INTS14: variants seen among roughly 807,000 people sequenced by gnomAD.
The protein encoded by INTS14 is integrator complex subunit 14.
Under a neutral mutation model 56.9 loss-of-function variants are expected in INTS14, and 27 were observed. The observed-to-expected ratio is 0.47, with a 90% CI of 0.35 to 0.65. The LOEUF is 0.65. Ranked by LOEUF, INTS14 falls within the 30% of genes least tolerant of loss-of-function variation. The pLI, the probability that INTS14 is intolerant of heterozygous loss-of-function variation, is 0.00. For missense variants in INTS14, 517 were observed against 632.2 expected, an observed-to-expected ratio of 0.82 and a Z score of 1.95; for synonymous variants, 207 against 236.2, an observed-to-expected ratio of 0.88 and a Z score of 1.13.
rs141290360 is a variant in INTS14, at chr15:65,599,912, G to A, written c.348C>T (p.Asp116=). The A allele has an allele frequency of 2.7e-5, 44 of 1,613,104 alleles. No homozygotes were observed. The South Asian group carries it at 3.4e-4, about 12-fold the overall frequency. The change falls in exon 4 of 12, where the codon GAC becomes GAT. Residue 116 remains aspartate (D), a synonymous_variant. Transcript: ENST00000313182. ...AIPCQVVLVT[D]GCLGIGRGSL... The stretch of plus-strand genomic sequence containing the variant: ...ACCCTCTACCAATGCCAAGACAGCC[G>A]TCTGTCACCAGGACAACCTGTTTGT...
rs1013453917 is a variant in INTS14, at chr15:65,595,667, T to C, written c.841+66A>G. ...TTCTGCAAAATGGGCTATCCTACTATCTAAGATTTAAGAACAACTTTAGTT... is the reference window on the plus strand; with the variant it reads ...TTCTGCAAAATGGGCTATCCTACTACCTAAGATTTAAGAACAACTTTAGTT... On this transcript the variant is annotated intron_variant, in intron 7 of 11. Coordinates refer to ENST00000313182, the MANE Select transcript of INTS14 (RefSeq NM_001394796.1). 7 of 1,300,948 alleles carry C rather than the reference T, an allele frequency of 5.4e-6. No homozygotes were observed. The Middle Eastern group carries it at 7.4e-4, about 137-fold the overall frequency. 80.6% of individuals were successfully genotyped at this position (1,300,948 alleles called of 1,614,324 possible).
chr15:65,596,455 T>C (rs2073215799), intron 6 of INTS14, among the ~76,000 whole-genome samples: 1 of 152,206 alleles, frequency 6.6e-6, no homozygotes, highest in Non-Finnish European at 1.5e-5. Flanking sequence ...TTATTCATAA[T>C]CAAAGGAAAT....
Position 65,579,286 on chromosome 15 carries a change from T to G in INTS14, c.*122A>C, listed in dbSNP as rs1200260675. ...AGTCATTCAAAACAGCAAGTGGTGC[T>G]TCTGAGGCAGCCTCAGGAAGGTCTT... On this transcript the variant is annotated 3_prime_UTR_variant, in exon 12 of 12. Transcript: ENST00000313182. 1 of 1,395,246 alleles carries G rather than the reference T, an allele frequency of 7.2e-7. No homozygotes were observed. Among genetic ancestry groups the G allele is most frequent in the Non-Finnish European group, 9.7e-7 (1 of 1,031,040 alleles). The allele number at this position is 1,395,246 out of a possible 1,614,324, so 86.4% of individuals were successfully genotyped here.
chr15:65,599,095 C>T, intron 4 of INTS14, 105 bp from the exon 5 acceptor site: 4 of 712,778 alleles, frequency 5.6e-6, no homozygotes, highest in Non-Finnish European at 6.9e-6. Flanking sequence ...CAATAAATAA[C>T]AGATGATTTT....
chr15:65,604,900 A>G (rs1317450568), intron 3 of INTS14, among the ~76,000 whole-genome samples: 1 of 152,226 alleles, frequency 6.6e-6, no homozygotes, highest in Non-Finnish European at 1.5e-5. Flanking sequence ...TAACAGTACT[A>G]GTTTGCAATA....
At chr15:65,601,407 A>G (rs2073428779) in intron 3 of INTS14, among the ~76,000 whole-genome samples, 1 of 151,940 alleles carries the variant, frequency 6.6e-6, no homozygotes, top group Non-Finnish European at 1.5e-5. Context: ...CGGTGGCGTG[A>G]TCTCAGCTCA....
chr15:65,606,217 T>C (rs1170074183), intron 2 of INTS14, among the ~76,000 whole-genome samples: 1 of 139,250 alleles, frequency 7.2e-6, no homozygotes, highest in Non-Finnish European at 1.5e-5. Flanking sequence ...ATCGCGCCAC[T>C]GCACTCCAGC....
chr15:65,586,287 TC>T (rs927082909), intron 9 of INTS14: 5 of 152,198 alleles, frequency 3.3e-5, no homozygotes, highest in African/African-American at 1.2e-4. Context: ...ATGTTATTAG[TC>T]CCATTAAAGA....
chr15:65,593,080 C>A (rs986889264), intron 8 of INTS14, among the ~76,000 whole-genome samples: 3 of 148,774 alleles, frequency 2.0e-5, no homozygotes, highest in Admixed American at 1.3e-4. Flanking sequence ...CACAGTGAGA[C>A]CCCACTTCTA....
In INTS14 at chr15:65,591,311, T is replaced by C. The variant is rs572528161; in HGVS notation, c.1120+287A>G. ...GAATGACAGGAAATTACTTGAACTA[T>C]AGTACACCAAGAAAAAAAATTATGG... On this transcript the variant is annotated intron_variant, in intron 9 of 11. Coordinates refer to ENST00000313182, the MANE Select transcript of INTS14 (RefSeq NM_001394796.1). 1.5e-3 allele frequency among the ~76,000 whole-genome samples: 222 copies of C among 152,304 alleles called. 1 individual carries two copies. Among genetic ancestry groups the C allele is most frequent in the African/African-American group, 5.0e-3 (209 of 41,574 alleles).
intron 10 of INTS14, 115 bp from the exon 11 acceptor site, chr15:65,582,134 T>A: frequency 1.1e-6 from 1 of 890,136 alleles, no homozygotes; most frequent in Non-Finnish European, 1.7e-6. Context: ...ACAGCTACAA[T>A]GTCAAGATGA....
At chr15:65,602,286 CT>C (rs199817472) in intron 3 of INTS14, among the ~76,000 whole-genome samples, 65,015 of 141,678 alleles carry the variant, frequency 0.46, 15,361 homozygotes, top group East Asian at 0.77. Context: ...AAAAATTCCA[CT>C]TTTTTTTTTT....
chr15:65,609,129 AG>A (rs1260063034), intron 1 of INTS14, among the ~76,000 whole-genome samples: 32 of 152,112 alleles, frequency 2.1e-4, no homozygotes, highest in African/African-American at 7.7e-4. Flanking sequence ...CACATTGGCC[AG>A]GCTGGTCTCG....
At chr15:65,593,299 A>G in intron 8 of INTS14, 129 bp downstream of exon 8, 1 of 1,179,000 alleles carries the variant, frequency 8.5e-7, no homozygotes, top group Non-Finnish European at 1.2e-6. Context: ...CAGGTGGGAA[A>G]AGTGTGTGGC....
chr15:65,578,933 A>T lies in INTS14; in HGVS notation c.*475T>A, dbSNP rs150654063. ...ACCACATTTTGCCCAAGTTCTAAGG[A>T]AAGTTCTGAAACTTAGTGGTGGTGT... On this transcript the variant is annotated 3_prime_UTR_variant, in exon 12 of 12. Transcript: ENST00000313182. 3.8e-3 allele frequency: 587 copies of T among 153,132 alleles called. 5 individuals carry two copies. The highest frequency in any genetic ancestry group is 0.013 in the African/African-American group (560 of 41,592). 9.5% of individuals were successfully genotyped at this position (153,132 alleles called of 1,614,324 possible). A position where few individuals can be genotyped will look rare whatever the true frequency, so the allele number is the denominator to read the frequency against.
rs73486724 is a variant in INTS14, at chr15:65,591,737, T to A, written c.987-6A>T. The A allele has an allele frequency of 6.2e-7, 1 of 1,613,612 alleles. No individual in the cohort carries two copies. Among genetic ancestry groups the A allele is most frequent in the Admixed American group, 1.7e-5 (1 of 59,900 alleles). ...GCATTCCATGCCATTCAGGACTAGA[T>A]GGAGAGAAGACGGAAGATCAGAAGA... On this transcript the variant is annotated splice_region_variant and splice_polypyrimidine_tract_variant and intron_variant, in intron 8 of 11. Transcript: ENST00000313182.
chr15:65,579,489 G>A lies in INTS14; in HGVS notation c.1476C>T (p.Gly492=). Residue 492 remains glycine, a synonymous_variant, in exon 12 of 12, where the codon GGC becomes GGT. Transcript: ENST00000313182. ...GGTCATAAGCGGCATACTCAGAGGT[G>A]CCGGTACTGGCCAGCTTGAGCTGCT... The part of the protein sequence containing the change: ...AAQQLKLAST[G]TSEYAAYDQN... 1 of 1,614,260 alleles carries A rather than the reference G, an allele frequency of 6.2e-7. No homozygotes were observed. Among genetic ancestry groups the A allele is most frequent in the African/African-American group, 1.3e-5 (1 of 75,064 alleles).
rs1419081499 is a variant in INTS14 at position 65,579,119 on chromosome 15, C to A, written c.*289G>T. ...GTTTCCTGAGGAAGGCAGGGGTGCTCTATGCTCATCAGTCATTCAAGCTTC... is the reference window on the plus strand; with the variant it reads ...GTTTCCTGAGGAAGGCAGGGGTGCTATATGCTCATCAGTCATTCAAGCTTC... On this transcript the variant is annotated 3_prime_UTR_variant, in exon 12 of 12. Coordinates refer to ENST00000313182, the MANE Select transcript of INTS14 (RefSeq NM_001394796.1). 3.1e-6 allele frequency: 1 copy of A among 323,318 alleles called. No individual in the cohort carries two copies. The highest frequency in any genetic ancestry group is 5.7e-6 in the Non-Finnish European group (1 of 175,178). The allele number at this position is 323,318 out of a possible 1,614,324, so 20.0% of individuals were successfully genotyped here.
At chr15:65,601,593 G>A (rs1367819632) in intron 3 of INTS14, among the ~76,000 whole-genome samples, 1 of 152,040 alleles carries the variant, frequency 6.6e-6, no homozygotes, top group Non-Finnish European at 1.5e-5. Context: ...CGTCAGCCTC[G>A]GCCTCCCAAA....
Sources: gnomAD v4.1 joint callset for allele counts (sites outside exome capture counted in the v4.1 genomes callset) on GRCh38, gnomAD v4.1.1 for gene constraint, MANE v1.5 for transcripts, NCBI Gene and HGNC (gene_info 2026-07-23, HGNC 2026-07-21) for gene names.